USP51: variants seen among roughly 807,000 people sequenced by gnomAD.
USP51 encodes ubiquitin carboxyl-terminal hydrolase 51.
Under a neutral mutation model 17.6 loss-of-function variants are expected in USP51, and 5 were observed. The ratio of observed to expected loss-of-function variants is 0.28; its 90% CI spans 0.15 to 0.60. USP51 has a LOEUF of 0.60. Among genes scored for constraint, USP51 ranks in the 20% least tolerant of loss-of-function variants. The pLI is 0.88. For missense variants in USP51, 459 were observed against 559.5 expected (o/e 0.82, Z 1.81); for synonymous variants, 248 against 216.1 (o/e 1.15, Z -1.29).
Position 55,488,016 on chromosome X carries a change from A to G in USP51, c.924T>C (p.Ile308=), listed in dbSNP as rs1339898532. The part of the protein sequence containing the change: ...EQIAKETKEK[I]LRLLTSTSTD... ...TTGAGGTGGAAGTTAATAATCTCAAAATTTTTTCTTTTGTTTCTTTGGCAA... is the reference window on the plus strand; with the variant it reads ...TTGAGGTGGAAGTTAATAATCTCAAGATTTTTTCTTTTGTTTCTTTGGCAA... The change falls in exon 3 of 3, where the codon ATT becomes ATC. Residue 308 remains isoleucine, a synonymous_variant. Transcript: ENST00000500968. 1 of 1,206,631 alleles carries G rather than the reference A, an allele frequency of 8.3e-7. No individual in the cohort carries two copies. The highest frequency in any genetic ancestry group is 1.1e-6 in the Non-Finnish European group (1 of 894,218).
intron 2 of USP51, 40 bp from the exon 3 acceptor site, chrX:55,489,028 G>T: frequency 9.1e-7 from 1 of 1,099,613 alleles, no homozygotes. Context: ...TGAATGATCT[G>T]CCCAGCGTCA....
In USP51 at chrX:55,488,369, C is replaced by A. The variant is rs1276321622; in HGVS notation, c.571G>T (p.Gly191Cys). The A allele has an allele frequency of 8.3e-7, 1 of 1,211,640 alleles. No individual in the cohort carries two copies. The highest frequency in any genetic ancestry group is 1.1e-6 in the Non-Finnish European group (1 of 895,323). The change falls in exon 3 of 3, where the codon GGT becomes TGT. Residue 191 changes from glycine (G) to cysteine (C), a missense_variant. Transcript: ENST00000500968. ...DWLLEVEFGQ[G>C]PTGCSHVESF... is the part of the protein sequence containing the mutation. Reference sequence around the variant, plus strand: ...TCCACATGAGAGCAGCCTGTGGGACCCTGACCAAACTCGACCTCCAGCAAC... The same window carrying A: ...TCCACATGAGAGCAGCCTGTGGGACACTGACCAAACTCGACCTCCAGCAAC...
At position 55,484,915 on chromosome X, in the gene USP51, A is replaced by G. The variant is rs1213980727; in HGVS notation, c.*1889T>C. 8.9e-6 allele frequency: 1 copy of G among 111,854 alleles called. No homozygotes were observed. The highest frequency in any genetic ancestry group is 2.8e-4 in the East Asian group (1 of 3,555). The allele number at this position is 111,854 out of a possible 1,213,427, so 9.2% of individuals were successfully genotyped here. Reference sequence around the variant, plus strand: ...AAAGCCACCAGGTGAATAGTCAAAGAAGGAGCCCTGCAGGCTGGGGCTCAG... The same window carrying G: ...AAAGCCACCAGGTGAATAGTCAAAGGAGGAGCCCTGCAGGCTGGGGCTCAG... On this transcript the variant is annotated 3_prime_UTR_variant, in exon 3 of 3. Coordinates refer to ENST00000500968, the MANE Select transcript of USP51 (RefSeq NM_201286.4).
rs1344118422 is a variant in USP51, at chrX:55,487,898, G to T, written c.1042C>A (p.Pro348Thr). Residue 348 changes from proline (P) to threonine (T), a missense_variant, in exon 3 of 3, where the codon CCC (proline) becomes ACC (threonine). Pro to Thr is a conservative substitution (Grantham distance 38). Transcript: ENST00000500968. Reference protein sequence around the residue: ...TKEQEPKLVKPKKKRRKKSVY... With the variant: ...TKEQEPKLVKTKKKRRKKSVY... ...GACTTTTTTCTTCTCTTTTTCTTGG[G>T]TTTCACCAATTTTGGCTCCTGTTCC... 1 of 1,186,514 alleles carries T rather than the reference G, an allele frequency of 8.4e-7. No homozygotes were observed. The highest frequency in any genetic ancestry group is 3.0e-5 in the East Asian group (1 of 33,683).
rs2031326534 is a variant in USP51, at chrX:55,486,893, C to T, written c.2047G>A (p.Ala683Thr). The change falls in exon 3 of 3, where the codon GCC becomes ACC. Residue 683 changes from alanine to threonine, a missense_variant. Coordinates refer to ENST00000500968, the MANE Select transcript of USP51 (RefSeq NM_201286.4). ...QKDQWFSCDD[A>T]IITKATIEDL... The stretch of plus-strand genomic sequence containing the variant: ...TCAATGGTAGCCTTGGTGATGATGG[C>T]ATCATCACAGCTGAACCACTGGTCC... 1.7e-6 allele frequency: 2 copies of T among 1,210,073 alleles called. No individual in the cohort carries two copies. The highest frequency in any genetic ancestry group is 1.8e-5 in the South Asian group (1 of 56,771).
chrX:55,488,548 G>GGGGGCCGGGCTGGAGGCGGGGGT lies in USP51; in HGVS notation c.369_391dup (p.Pro131HisfsTer48). ...TGGGGGCGGGGGTGGCGGCGGGGGC[G>GGGGGCCGGGCTGGAGGCGGGGGT]GGGGCCGGGCTGGAGGCGGGGGTGG... On this transcript the variant is annotated frameshift_variant, in exon 3 of 3. Coordinates refer to ENST00000500968, the MANE Select transcript of USP51 (RefSeq NM_201286.4). LOFTEE classifies it low-confidence loss of function (END_TRUNC). 9.9e-7 allele frequency: 1 copy of GGGGGCCGGGCTGGAGGCGGGGGT among 1,013,564 alleles called. No homozygotes were observed. The highest frequency in any genetic ancestry group is 1.2e-6 in the Non-Finnish European group (1 of 801,033). The allele number at this position is 1,013,564 out of a possible 1,213,427, so 83.5% of individuals were successfully genotyped here. A position where few individuals can be genotyped will look rare whatever the true frequency, so the allele number is the denominator to read the frequency against.
At position 55,488,722 on chromosome X, in the gene USP51, G is replaced by A. The variant is rs143911249; in HGVS notation, c.218C>T (p.Thr73Met). Reference protein sequence around the residue: ...EREPAPEENLTWSSSGGDEKV... With the variant: ...EREPAPEENLMWSSSGGDEKV... ...CTCGTCGCCGCCGCTGCTGCTCCAC[G>A]TCAAGTTCTCCTCCGGCGCGGGCTC... Residue 73 changes from threonine (T) to methionine (M), a missense_variant, in exon 3 of 3, where the codon ACG (threonine) becomes ATG (methionine). Coordinates refer to ENST00000500968, the MANE Select transcript of USP51 (RefSeq NM_201286.4). The A allele has an allele frequency of 2.9e-5, 35 of 1,202,832 alleles. 1 individual carries two copies. Among genetic ancestry groups the A allele is most frequent in the African/African-American group, 3.5e-5 (2 of 57,390 alleles).
chrX:55,489,607 A>G, intron 1 of USP51, among the ~76,000 whole-genome samples, 169 bp downstream of exon 1: 1 of 111,162 alleles, frequency 9.0e-6, no homozygotes, highest in African/African-American at 3.3e-5. Flanking sequence ...TGCGACTTCA[A>G]TTCCTATGAT....
chrX:55,486,823 T>C lies in USP51; in HGVS notation c.2117A>G (p.Gln706Arg). The change falls in exon 3 of 3, where the codon CAG becomes CGG. Residue 706 changes from glutamine to arginine, a missense_variant. Coordinates refer to ENST00000500968, the MANE Select transcript of USP51 (RefSeq NM_201286.4). ...GTAAGACTAGTCTTTCTCTAGACCC[T>C]GTTTGTGATAGAACAGTAAATACCC... ...SEGYLLFYHKQGLEKD is the reference protein window; with the variant it reads ...SEGYLLFYHKRGLEKD The C allele has an allele frequency of 8.4e-7, 1 of 1,197,544 alleles. No individual in the cohort carries two copies. The highest frequency in any genetic ancestry group is 2.2e-5 in the Admixed American group (1 of 44,502).
At position 55,486,796 on chromosome X, in the gene USP51, T is replaced by C; in HGVS notation, c.*8A>G. On this transcript the variant is annotated 3_prime_UTR_variant, in exon 3 of 3. Coordinates refer to ENST00000500968, the MANE Select transcript of USP51 (RefSeq NM_201286.4). ...TTTACTTTTTTTTCAGTAAGTGGTC[T>C]GGTAAGACTAGTCTTTCTCTAGACC... is the stretch of plus-strand genomic sequence containing the variant. 3.4e-6 allele frequency: 4 copies of C among 1,167,926 alleles called. No homozygotes were observed. Among genetic ancestry groups the C allele is most frequent in the Non-Finnish European group, 4.6e-6 (4 of 875,565 alleles).
At position 55,488,405 on chromosome X, in the gene USP51, A is replaced by G. The variant is rs778997243; in HGVS notation, c.535T>C (p.Leu179=). The G allele has an allele frequency of 1.9e-4, 229 of 1,209,721 alleles. No individual in the cohort carries two copies. Among genetic ancestry groups the G allele is most frequent in the South Asian group, 1.2e-4 (7 of 56,631 alleles). The change falls in exon 3 of 3, where the codon TTA becomes CTA. Residue 179 remains leucine (L), a synonymous_variant. Coordinates refer to ENST00000500968, the MANE Select transcript of USP51 (RefSeq NM_201286.4). ...DLDGSGDPGG[L]GDWLLEVEFG... The stretch of plus-strand genomic sequence containing the variant: ...TCGACCTCCAGCAACCAGTCCCCTA[A>G]GCCGCCAGGATCCCCCGACCCGTCT...
At position 55,488,100 on chromosome X, in the gene USP51, A is replaced by G; in HGVS notation, c.840T>C (p.His280=). The G allele has an allele frequency of 8.3e-7, 1 of 1,212,058 alleles. No homozygotes were observed. Among genetic ancestry groups the G allele is most frequent in the East Asian group, 3.0e-5 (1 of 33,835 alleles). ...TACACATGAAGCAATATATGACCCC[A>G]TGATAAAGGTCTACAGCTAAATGGT... is the stretch of plus-strand genomic sequence containing the variant. The part of the protein sequence containing the change: ...KQHHLAVDLY[H]GVIYCFMCKD... Residue 280 remains histidine (H), a synonymous_variant, in exon 3 of 3, where the codon CAT becomes CAC. Transcript: ENST00000500968.
rs755206518 is a variant in USP51 at position 55,485,844 on chromosome X, A to T, written c.*960T>A. 32 of 110,668 alleles carry T rather than the reference A, an allele frequency of 2.9e-4. 1 individual carries two copies. The highest frequency in any genetic ancestry group is 5.7e-4 in the Non-Finnish European group (30 of 52,769). 9.1% of individuals were successfully genotyped at this position (110,668 alleles called of 1,213,427 possible). A position where few individuals can be genotyped will look rare whatever the true frequency, so the allele number is the denominator to read the frequency against. On this transcript the variant is annotated 3_prime_UTR_variant, in exon 3 of 3. Transcript: ENST00000500968. ...GTATTTTTTCAATTTTTGTCTTTAA[A>T]CACATTTTGTCTTTTTGTCTTGAAT...
At position 55,488,329 on chromosome X, in the gene USP51, C is replaced by T. The variant is rs2031354170; in HGVS notation, c.611G>A (p.Gly204Asp). The change falls in exon 3 of 3, where the codon GGT (glycine) becomes GAT (aspartate). Residue 204 changes from glycine (G) to aspartate (D), a missense_variant. Around this residue, in one of 2 missense-constraint regions of USP51, gnomAD observed 232 missense variants for 194.0 expected, o/e 1.20. Transcript: ENST00000500968. ...CCTCAGGTTCTTCTGCCAGTTCTTA[C>T]CTACTTTAAAGCTCTCCACATGAGA... is the stretch of plus-strand genomic sequence containing the variant. ...GCSHVESFKV[G>D]KNWQKNLRLI... 8.3e-7 allele frequency: 1 copy of T among 1,211,974 alleles called. No homozygotes were observed. Among genetic ancestry groups the T allele is most frequent in the South Asian group, 1.8e-5 (1 of 56,947 alleles).
chrX:55,487,975 T>C lies in USP51; in HGVS notation c.965A>G (p.Gln322Arg). ...LTSTSTDVSH[Q>R]QFMTSGFEDK... Reference sequence around the variant, plus strand: ...TTCAAACCCTGATGTCATAAACTGTTGATGAGAAACATCTGTTGAGGTGGA... The same window carrying C: ...TTCAAACCCTGATGTCATAAACTGTCGATGAGAAACATCTGTTGAGGTGGA... Residue 322 changes from glutamine (Q) to arginine (R), a missense_variant, in exon 3 of 3, where the codon CAA (glutamine) becomes CGA (arginine). Gln to Arg is a conservative substitution (Grantham distance 43, BLOSUM62 1). Coordinates refer to ENST00000500968, the MANE Select transcript of USP51 (RefSeq NM_201286.4). 1 of 1,202,928 alleles carries C rather than the reference T, an allele frequency of 8.3e-7. No individual in the cohort carries two copies. Among genetic ancestry groups the C allele is most frequent in the Non-Finnish European group, 1.1e-6 (1 of 891,620 alleles).
chrX:55,487,187 T>C lies in USP51; in HGVS notation c.1753A>G (p.Met585Val). 1 of 1,211,981 alleles carries C rather than the reference T, an allele frequency of 8.3e-7. No individual in the cohort carries two copies. The highest frequency in any genetic ancestry group is 1.1e-6 in the Non-Finnish European group (1 of 895,602). The part of the protein sequence containing the change: ...SYQESTKQLT[M>V]KKLPIVACFH... ...CAAGCCACAATGGGTAATTTTTTCA[T>C]TGTGAGCTGTTTAGTAGACTCCTGG... Residue 585 changes from methionine (M) to valine (V), a missense_variant, in exon 3 of 3, where the codon ATG (methionine) becomes GTG (valine). Physicochemically the swap from Met to Val is conservative, Grantham distance 21. Coordinates refer to ENST00000500968, the MANE Select transcript of USP51 (RefSeq NM_201286.4).
At position 55,488,142 on chromosome X, in the gene USP51, A is replaced by G. The variant is rs749359994; in HGVS notation, c.798T>C (p.His266=). 3.3e-6 allele frequency: 4 copies of G among 1,210,384 alleles called. No homozygotes were observed. In the African/African-American group the frequency reaches 7.0e-5, roughly 21 times the overall value. Residue 266 remains histidine, a synonymous_variant, in exon 3 of 3, where the codon CAT becomes CAC. Transcript: ENST00000500968. Reference sequence around the variant, plus strand: ...CTAAATGGTGCTGCTTTGTTTCTGCATGTTTGTGAATATGTTTCTCAGTGA... The same window carrying G: ...CTAAATGGTGCTGCTTTGTTTCTGCGTGTTTGTGAATATGTTTCTCAGTGA... The part of the protein sequence containing the change: ...GCFTEKHIHK[H]AETKQHHLAV...
chrX:55,488,473 G>GGCCTGGACCCAT lies in USP51; in HGVS notation c.466_467insATGGGTCCAGGC (p.Arg155_Pro156insHisGlySerArg), dbSNP rs1555940635. On this transcript the variant is annotated inframe_insertion, in exon 3 of 3. Coordinates refer to ENST00000500968, the MANE Select transcript of USP51 (RefSeq NM_201286.4). The stretch of plus-strand genomic sequence containing the variant: ...TCTCCGTGTCTGAGGCCTGGACCCA[G>GGCCTGGACCCAT]GCCGGGATCTGCGCCGGGATCCACG... The GGCCTGGACCCAT allele has an allele frequency of 8.3e-7, 1 of 1,206,367 alleles. No homozygotes were observed. Among genetic ancestry groups the GGCCTGGACCCAT allele is most frequent in the Non-Finnish European group, 1.1e-6 (1 of 893,268 alleles).
Position 55,488,151 on chromosome X carries a change from A to C in USP51, c.789T>G (p.Ile263Met), listed in dbSNP as rs1400195165. The change falls in exon 3 of 3, where the codon ATT becomes ATG. Residue 263 changes from isoleucine (I) to methionine (M), a missense_variant. Ile to Met is a conservative substitution (Grantham distance 10). Around this residue, in one of 2 missense-constraint regions of USP51, gnomAD observed 227 missense variants for 365.5 expected, o/e 0.62. Coordinates refer to ENST00000500968, the MANE Select transcript of USP51 (RefSeq NM_201286.4). ...GCTGCTTTGTTTCTGCATGTTTGTGAATATGTTTCTCAGTGAAGCAGCCAA... is the reference window on the plus strand; with the variant it reads ...GCTGCTTTGTTTCTGCATGTTTGTGCATATGTTTCTCAGTGAAGCAGCCAA... ...VFFGCFTEKHIHKHAETKQHH... is the reference protein window; with the variant it reads ...VFFGCFTEKHMHKHAETKQHH... 1.7e-6 allele frequency: 2 copies of C among 1,210,281 alleles called. No homozygotes were observed. Among genetic ancestry groups the C allele is most frequent in the South Asian group, 3.5e-5 (2 of 56,788 alleles).
Sources: gnomAD v4.1 joint callset for allele counts (sites outside exome capture counted in the v4.1 genomes callset) on GRCh38, gnomAD v4.1.1 for gene constraint, gnomAD v4.1.1 regional missense constraint, MANE v1.5 for transcripts, NCBI Gene and HGNC (gene_info 2026-07-23, HGNC 2026-07-21) for gene names.